Variants in BOD1L1 observed in about 807,000 individuals in gnomAD.
BOD1L1 encodes the protein biorientation of chromosomes in cell division protein 1-like 1.
A neutral mutation model predicts 240.7 loss-of-function variants in BOD1L1; 86 were observed. The observed-to-expected ratio is 0.36, with a 90% CI of 0.30 to 0.43. The LOEUF is 0.43. Ranked by LOEUF, BOD1L1 falls within the 20% of genes least tolerant of loss-of-function variation. BOD1L1 has a pLI of 1.00. For synonymous variants in BOD1L1, 1,268 were observed against 1,272.3 expected (o/e 1.00, Z 0.07); for missense variants, 3,554 against 3,643.5 (o/e 0.98, Z 0.63).
At position 13,602,171 on chromosome 4, in the gene BOD1L1, C is replaced by G; in HGVS notation, c.4729G>C (p.Gly1577Arg). 1.2e-6 allele frequency: 2 copies of G among 1,613,894 alleles called. No homozygotes were observed. The highest frequency in any genetic ancestry group is 1.3e-5 in the African/African-American group (1 of 75,058). ...THSRNNPLHVGAEASECTVFA... is the reference protein window; with the variant it reads ...THSRNNPLHVRAEASECTVFA... ...ACAGTGCATTCACTGGCTTCTGCAC[C>G]AACATGAAGAGGATTATTTCTGGAA... The change falls in exon 10 of 26, where the codon GGT (glycine) becomes CGT (arginine). Residue 1577 changes from glycine to arginine, a missense_variant. Gly to Arg is a moderately radical substitution (Grantham distance 125). Around this residue, in one of 2 missense-constraint regions of BOD1L1, gnomAD observed 3,393 missense variants for 3,427.1 expected, o/e 0.99. Transcript: ENST00000040738.
At chr4:13,582,191 G>C in intron 19 of BOD1L1, 46 bp downstream of exon 19, 2 of 1,474,710 alleles carry the variant, frequency 1.4e-6, no homozygotes, top group Non-Finnish European at 1.9e-6. Flanking sequence ...AATTTGGTTA[G>C]TGCTTAAATA....
rs755697061 is a variant in BOD1L1 at position 13,603,662 on chromosome 4, G to C, written c.3238C>G (p.Gln1080Glu). The C allele has an allele frequency of 1.2e-6, 2 of 1,613,866 alleles. No homozygotes were observed. The highest frequency in any genetic ancestry group is 2.2e-5 in the South Asian group (2 of 91,076). Residue 1080 changes from glutamine to glutamate, a missense_variant, in exon 10 of 26, where the codon CAA (glutamine) becomes GAA (glutamate). Physicochemically the swap from Gln to Glu is conservative, Grantham distance 29 (BLOSUM62 2). Around this residue, in one of 2 missense-constraint regions of BOD1L1, gnomAD observed 3,393 missense variants for 3,427.1 expected, o/e 0.99. Coordinates refer to ENST00000040738, the MANE Select transcript of BOD1L1 (RefSeq NM_148894.3). ...TTTTCTTCTCCTTTGGCCATTTCTT[G>C]TGACAAGCTTCCTCTCCGATTTTCG... ...LCENRRGSLSQEMAKGEEKLA... is the reference protein window; with the variant it reads ...LCENRRGSLSEEMAKGEEKLA...
Position 13,599,480 on chromosome 4 carries a change from T to C in BOD1L1, c.7420A>G (p.Lys2474Glu), listed in dbSNP as rs369073385. Residue 2474 changes from lysine to glutamate, a missense_variant, in exon 10 of 26, where the codon AAG becomes GAG. Physicochemically the swap from Lys to Glu is moderately conservative, Grantham distance 56 (BLOSUM62 1). Coordinates refer to ENST00000040738, the MANE Select transcript of BOD1L1 (RefSeq NM_148894.3). ...VLLNSLQKED[K>E]SPETGTAGGS... ...CCTGCTGTCCCTGTCTCTGGGCTCT[T>C]ATCTTCTTTCTGAAGGGAGTTCAAC... 1.2e-6 allele frequency: 2 copies of C among 1,613,910 alleles called. No homozygotes were observed. Among genetic ancestry groups the C allele is most frequent in the African/African-American group, 2.7e-5 (2 of 74,938 alleles).
rs760997434 is a variant in BOD1L1 at position 13,615,439 on chromosome 4, G to A, written c.432C>T (p.Asn144=). Residue 144 remains asparagine (N), a synonymous_variant, in exon 3 of 26, where the codon AAC becomes AAT. Transcript: ENST00000040738. The part of the protein sequence containing the change: ...IISQVVDPKI[N]HTFRPQVEKA... ...TCTCTACCTGAGGTCTGAATGTGTGGTTGATCTTTGGGTCCACAACCTGAG... is the reference window on the plus strand; with the variant it reads ...TCTCTACCTGAGGTCTGAATGTGTGATTGATCTTTGGGTCCACAACCTGAG... 8 of 1,613,562 alleles carry A rather than the reference G, an allele frequency of 5.0e-6. No individual in the cohort carries two copies. Among genetic ancestry groups the A allele is most frequent in the Non-Finnish European group, 6.8e-6 (8 of 1,179,712 alleles).
chr4:13,573,474 T>TCTATCTATCTATCTATCTA lies in BOD1L1; in HGVS notation c.9039-3347_9039-3346insTAGATAGATAGATAGATAG, dbSNP rs1560175491. Among the ~76,000 whole-genome samples, 39 of 23,818 alleles carry TCTATCTATCTATCTATCTA rather than the reference T, an allele frequency of 1.6e-3. No individual in the cohort carries two copies. The East Asian group carries it at 0.042, about 26-fold the overall frequency. 15.6% of individuals were successfully genotyped at this position (23,818 alleles called of 152,430 possible). A position where few individuals can be genotyped will look rare whatever the true frequency, so the allele number is the denominator to read the frequency against. ...TATCTATCTATCTATCTATCTATCT[T>TCTATCTATCTATCTATCTA]TCTTTCTTTCTTTCTTTCTTTTGAG... On this transcript the variant is annotated intron_variant, in intron 25 of 25. Coordinates refer to ENST00000040738, the MANE Select transcript of BOD1L1 (RefSeq NM_148894.3).
chr4:13,576,900 TTCTTCC>T lies in BOD1L1; in HGVS notation c.8970_8975del (p.Glu2994_Glu2995del), dbSNP rs754437446. 106 of 1,613,868 alleles carry T rather than the reference TTCTTCC, an allele frequency of 6.6e-5. No homozygotes were observed. The highest frequency in any genetic ancestry group is 8.8e-5 in the Non-Finnish European group (104 of 1,179,868). ...CTCCTGAAGGCTCGTCCTCTTCCTC[TTCTTCC>T]TCTTCCTCATCAGACTCCTGCTCTT... On this transcript the variant is annotated inframe_deletion, in exon 25 of 26. Coordinates refer to ENST00000040738, the MANE Select transcript of BOD1L1 (RefSeq NM_148894.3).
chr4:13,589,548 C>T (rs1363178332), intron 14 of BOD1L1, among the ~76,000 whole-genome samples: 1 of 152,032 alleles, frequency 6.6e-6, no homozygotes, highest in Non-Finnish European at 1.5e-5. Flanking sequence ...AACGTGAGAC[C>T]ACATATTTAC....
At chr4:13,584,441 AGTGTGTGTGTGTGTGTGT>A (rs36096107) in intron 17 of BOD1L1, among the ~76,000 whole-genome samples, 2 of 134,906 alleles carry the variant, frequency 1.5e-5, no homozygotes, top group Non-Finnish European at 3.2e-5. Context: ...AGAGAGAGAG[AGTGTGTGTGTGTGTGTGT>A]GTGTGTGTGT....
chr4:13,609,295 C>T lies in BOD1L1; in HGVS notation c.1603G>A (p.Gly535Ser), dbSNP rs1715971425. Residue 535 changes from glycine (G) to serine (S), a missense_variant and splice_region_variant, in exon 7 of 26, where the codon GGC (glycine) becomes AGC (serine). By Grantham distance (56) the Gly-to-Ser change is moderately conservative. This residue lies in a region of BOD1L1 where 3,393 missense variants were observed against 3,427.1 expected (regional missense o/e 0.99). Coordinates refer to ENST00000040738, the MANE Select transcript of BOD1L1 (RefSeq NM_148894.3). ...AAATATTAAAAGTTGACATCTATACCTTGACCCTTGGTTTTTGAAGACTTT... is the reference window on the plus strand; with the variant it reads ...AAATATTAAAAGTTGACATCTATACTTTGACCCTTGGTTTTTGAAGACTTT... ...KTKSSKTKGQ[G>S]RSSVDLEESS... 6.6e-7 allele frequency: 1 copy of T among 1,519,588 alleles called. No individual in the cohort carries two copies. The highest frequency in any genetic ancestry group is 8.8e-7 in the Non-Finnish European group (1 of 1,136,168). 94.1% of individuals were successfully genotyped at this position (1,519,588 alleles called of 1,614,324 possible). A position where few individuals can be genotyped will look rare whatever the true frequency, so the allele number is the denominator to read the frequency against.
At chr4:13,589,726 A>G (rs1287755910) in intron 14 of BOD1L1, among the ~76,000 whole-genome samples, 1 of 152,224 alleles carries the variant, frequency 6.6e-6, no homozygotes, top group East Asian at 1.9e-4. Flanking sequence ...ATGTGAAGCA[A>G]ATATACTAAA....
At position 13,586,355 on chromosome 4, in the gene BOD1L1, A is replaced by T. The variant is rs371448512; in HGVS notation, c.8433+41T>A. ...TACAATGCTGTAATTAGGCCTCCCT[A>T]CCCCCACCCAAAACTTAAAACTAAT... On this transcript the variant is annotated intron_variant, in intron 17 of 25. Coordinates refer to ENST00000040738, the MANE Select transcript of BOD1L1 (RefSeq NM_148894.3). 4.4e-6 allele frequency: 6 copies of T among 1,359,800 alleles called. No homozygotes were observed. In the African/African-American group the frequency reaches 7.2e-5, roughly 16 times the overall value. 84.2% of individuals were successfully genotyped at this position (1,359,800 alleles called of 1,614,324 possible).
Position 13,586,425 on chromosome 4 carries a change from A to C in BOD1L1, c.8404T>G (p.Cys2802Gly), listed in dbSNP as rs769516129. Residue 2802 changes from cysteine (C) to glycine (G), a missense_variant, in exon 17 of 26, where the codon TGT becomes GGT. Around this residue, in one of 2 missense-constraint regions of BOD1L1, gnomAD observed 3,393 missense variants for 3,427.1 expected, o/e 0.99. Transcript: ENST00000040738. ...DSRIETAQRQ[C>G]PETEPHDTKE... ...GTGTCATGTGGCTCCGTTTCAGGAC[A>C]CTGCCTTTGTGCTGTTTCTATTCTG... The C allele has an allele frequency of 1.1e-5, 17 of 1,612,356 alleles. No homozygotes were observed. The highest frequency in any genetic ancestry group is 1.4e-5 in the Non-Finnish European group (17 of 1,179,078).
chr4:13,627,331 G>T lies in BOD1L1; in HGVS notation c.243+14C>A. On this transcript the variant is annotated intron_variant, in intron 1 of 25. Transcript: ENST00000040738. ...CCTTCCCTCGCAGACCCCCAAACCC[G>T]GCGCGCTCCTAACCTTGGTGTCCAC... 1 of 1,289,148 alleles carries T rather than the reference G, an allele frequency of 7.8e-7. No individual in the cohort carries two copies. Among genetic ancestry groups the T allele is most frequent in the Non-Finnish European group, 9.9e-7 (1 of 1,006,470 alleles). 79.9% of individuals were successfully genotyped at this position (1,289,148 alleles called of 1,614,324 possible).
intron 25 of BOD1L1, among the ~76,000 whole-genome samples, chr4:13,572,539 A>G (rs894133748): frequency 1.3e-5 from 2 of 152,250 alleles, no homozygotes; most frequent in Non-Finnish European, 2.9e-5. Flanking sequence ...GAGGCCACAC[A>G]GACACCTTCT....
In BOD1L1 at chr4:13,627,462, G is replaced by T. The variant is rs915196781; in HGVS notation, c.126C>A (p.Gly42=). 19 of 1,074,500 alleles carry T rather than the reference G, an allele frequency of 1.8e-5. No individual in the cohort carries two copies. Among genetic ancestry groups the T allele is most frequent in the Non-Finnish European group, 2.1e-5 (19 of 888,576 alleles). 66.6% of individuals were successfully genotyped at this position (1,074,500 alleles called of 1,614,324 possible). The change falls in exon 1 of 26, where the codon GGC becomes GGA. Residue 42 remains glycine, a synonymous_variant. Coordinates refer to ENST00000040738, the MANE Select transcript of BOD1L1 (RefSeq NM_148894.3). Reference sequence around the variant, plus strand: ...GGTCCCCGGCGCCCGCACCCGCGCCGCCCGCCCCGCCCGCGCCGGGGCCAG... The same window carrying T: ...GGTCCCCGGCGCCCGCACCCGCGCCTCCCGCCCCGCCCGCGCCGGGGCCAG... The part of the protein sequence containing the change: ...PGAGPGAGGA[G]GAGAGAGDPQ...
At chr4:13,582,193 G>C in intron 19 of BOD1L1, 44 bp downstream of exon 19, 1 of 1,490,916 alleles carries the variant, frequency 6.7e-7, no homozygotes, top group African/African-American at 1.4e-5. Flanking sequence ...TTTGGTTAGT[G>C]CTTAAATAAT....
chr4:13,625,714 C>T (rs1022488322), intron 1 of BOD1L1: 15 of 151,998 alleles, frequency 9.9e-5, no homozygotes, highest in Admixed American at 8.5e-4. Context: ...TAAATAACAA[C>T]AAAAATAATA....
Position 13,602,027 on chromosome 4 carries a change from C to A in BOD1L1, c.4873G>T (p.Asp1625Tyr). 5 of 1,613,998 alleles carry A rather than the reference C, an allele frequency of 3.1e-6. No individual in the cohort carries two copies. In the South Asian group the frequency reaches 5.5e-5, roughly 18 times the overall value. ...ACAGCCAGTAGGTCTGCTGCTCTGT[C>A]CTCAGATTCAGCCACAGCACACTCC... is the stretch of plus-strand genomic sequence containing the variant. ...SGECAVAESEDRAADLLAVHA... is the reference protein window; with the variant it reads ...SGECAVAESEYRAADLLAVHA... Residue 1625 changes from aspartate (D) to tyrosine (Y), a missense_variant, in exon 10 of 26, where the codon GAC becomes TAC. Physicochemically the swap from Asp to Tyr is radical, Grantham distance 160 (BLOSUM62 -3). This residue lies in a region of BOD1L1 where 3,393 missense variants were observed against 3,427.1 expected (regional missense o/e 0.99). Transcript: ENST00000040738.
intron 22 of BOD1L1, among the ~76,000 whole-genome samples, chr4:13,579,080 C>G (rs760632741): frequency 4.6e-5 from 7 of 152,058 alleles, no homozygotes; most frequent in Non-Finnish European, 1.0e-4. Flanking sequence ...AGTAGTTGTC[C>G]TTTTTTGCAA....
Sources: allele counts gnomAD v4.1 joint callset (sites outside exome capture counted in the v4.1 genomes callset), GRCh38; gene constraint gnomAD v4.1.1; regional missense constraint gnomAD v4.1.1; transcripts MANE v1.5; gene names NCBI Gene and HGNC (gene_info 2026-07-23, HGNC 2026-07-21).